The following ANO4 variants were observed in gnomAD, a reference collection of about 807,000 sequenced individuals.
ANO4 encodes anoctamin 4.
A neutral mutation model predicts 141.9 loss-of-function variants in ANO4; 69 were observed. That is an observed-to-expected ratio of 0.49 (90% CI 0.40 to 0.59). The LOEUF (loss-of-function observed/expected upper bound fraction) is 0.59, where lower values mean the gene tolerates loss of function less well. Ranked by LOEUF, ANO4 falls within the 20% of genes least tolerant of loss-of-function variation. The pLI, the probability that ANO4 is intolerant of heterozygous loss-of-function variation, is 0.00. For missense variants in ANO4, 894 were observed against 1,162.2 expected, an observed-to-expected ratio of 0.77 and a Z score of 3.36; for synonymous variants, 350 against 394.3, an observed-to-expected ratio of 0.89 and a Z score of 1.33.
intron 5 of ANO4, among the ~76,000 whole-genome samples, chr12:100,946,209 A>G (rs1281868259): frequency 6.6e-6 from 1 of 152,200 alleles, no homozygotes; most frequent in African/African-American, 2.4e-5. Context: ...CCAACAAGGC[A>G]GTGGAAGCCT....
chr12:100,865,255 A>G (rs757768496), intron 1 of ANO4, among the ~76,000 whole-genome samples: 51 of 152,184 alleles, frequency 3.4e-4, no homozygotes, highest in Non-Finnish European at 6.8e-4. Context: ...CCAACAGTGT[A>G]AAAGTGTCTA....
At chr12:101,025,413 T>C (rs2046693650) in intron 9 of ANO4, among the ~76,000 whole-genome samples, 2 of 151,572 alleles carry the variant, frequency 1.3e-5, no homozygotes, top group East Asian at 1.9e-4. Context: ...GCAGCGAGAG[T>C]TCACAGAAAG....
At chr12:100,810,695 CAAGTGTAGATTAGATAACTGCT>C (rs1047403424) in intron 1 of ANO4, among the ~76,000 whole-genome samples, 9 of 152,096 alleles carry the variant, frequency 5.9e-5, no homozygotes, top group East Asian at 1.9e-4. Flanking sequence ...GTAAAATGGG[CAAGTGTAGATTAGATAACTGCT>C]AAGTGTAGAT....
chr12:100,721,100 T>C (rs2030842764), intron 1 of ANO4, among the ~76,000 whole-genome samples: 2 of 152,248 alleles, frequency 1.3e-5, no homozygotes, highest in South Asian at 4.1e-4. Context: ...TGTGCTATGC[T>C]TGTATAGTTA....
intron 5 of ANO4, among the ~76,000 whole-genome samples, chr12:100,947,636 G>A (rs1333706756): frequency 6.6e-6 from 1 of 152,068 alleles, no homozygotes; most frequent in East Asian, 1.9e-4. Context: ...AGCACATGTG[G>A]GTGCACAGTC....
chr12:100,929,479 G>A (rs1454715718), intron 3 of ANO4, among the ~76,000 whole-genome samples: 1 of 152,096 alleles, frequency 6.6e-6, no homozygotes, highest in African/African-American at 2.4e-5. Context: ...GTACTGCATT[G>A]TGTATATGTA....
chr12:100,722,714 A>G lies in ANO4; in HGVS notation c.22+5167A>G, dbSNP rs76693218. Among the ~76,000 whole-genome samples, 817 of 152,350 alleles carry G rather than the reference A, an allele frequency of 5.4e-3. 5 individuals carry two copies. The highest frequency in any genetic ancestry group is 9.8e-3 in the Non-Finnish European group (666 of 68,040). On this transcript the variant is annotated intron_variant, in intron 1 of 29. Coordinates refer to the ANO4 transcript ENST00000644049. Reference sequence around the variant, plus strand: ...TCTTTGTGTTCCTTGTGCCTCGCACAGTGCCTGGCACATAGTAGGTGACCA... The same window carrying G: ...TCTTTGTGTTCCTTGTGCCTCGCACGGTGCCTGGCACATAGTAGGTGACCA...
intron 3 of ANO4, among the ~76,000 whole-genome samples, chr12:100,938,226 ACT>A (rs1166862130): frequency 6.6e-6 from 1 of 152,128 alleles, no homozygotes; most frequent in Non-Finnish European, 1.5e-5. Flanking sequence ...CTATATCCAA[ACT>A]CTGCTCTTTT....
At chr12:100,864,647 T>C (rs989047341) in intron 1 of ANO4, among the ~76,000 whole-genome samples, 1 of 152,184 alleles carries the variant, frequency 6.6e-6, no homozygotes, top group Non-Finnish European at 1.5e-5. Flanking sequence ...GCTTTCATAT[T>C]GTGTGCGTTC....
intron 8 of ANO4, among the ~76,000 whole-genome samples, chr12:101,011,865 AGTT>A (rs2046108225): frequency 1.3e-5 from 2 of 152,180 alleles, no homozygotes; most frequent in African/African-American, 4.8e-5. Context: ...ATCTGTAGGT[AGTT>A]AAGTGCTTCT....
chr12:100,977,654 T>C (rs1451914878), intron 7 of ANO4, among the ~76,000 whole-genome samples: 2 of 152,208 alleles, frequency 1.3e-5, no homozygotes, highest in African/African-American at 4.8e-5. Flanking sequence ...CCACTGCCAT[T>C]GACTTAGGCT....
chr12:101,082,983 A>G (rs1415476854), intron 15 of ANO4, among the ~76,000 whole-genome samples: 2 of 152,178 alleles, frequency 1.3e-5, no homozygotes, highest in African/African-American at 4.8e-5. Context: ...AGCTTTTCAC[A>G]TTCAGGAGGC....
chr12:100,727,527 A>G (rs1283247581), intron 1 of ANO4, among the ~76,000 whole-genome samples: 1 of 152,072 alleles, frequency 6.6e-6, no homozygotes, highest in Non-Finnish European at 1.5e-5. Context: ...CTGCATCTTT[A>G]TAAATATTTT....
intron 3 of ANO4, among the ~76,000 whole-genome samples, chr12:100,938,282 G>A (rs930132183): frequency 2.0e-5 from 3 of 152,188 alleles, no homozygotes; most frequent in African/African-American, 7.2e-5. Context: ...GTTTTCTTCA[G>A]TTATTGCCAC....
chr12:100,987,695 A>C (rs760392798), intron 8 of ANO4, 25 bp downstream of exon 8: 2 of 1,612,226 alleles, frequency 1.2e-6, no homozygotes, highest in Admixed American at 3.3e-5. Flanking sequence ...TTAAAGCCCC[A>C]TCTCACTAAG....
intron 3 of ANO4, among the ~76,000 whole-genome samples, chr12:100,768,698 A>G (rs2033182206): frequency 6.6e-6 from 1 of 152,226 alleles, no homozygotes; most frequent in Admixed American, 6.5e-5. Context: ...TTTGAGTCGT[A>G]AATGCCATAC....
At chr12:100,935,623 G>A (rs1407982781) in intron 3 of ANO4, among the ~76,000 whole-genome samples, 4 of 152,106 alleles carry the variant, frequency 2.6e-5, no homozygotes, top group Non-Finnish European at 4.4e-5. Context: ...TGTGATGTTC[G>A]TGCCCATGGA....
intron 1 of ANO4, among the ~76,000 whole-genome samples, chr12:100,842,396 A>C (rs893628565): frequency 6.8e-6 from 1 of 146,336 alleles, no homozygotes; most frequent in Non-Finnish European, 1.5e-5. Flanking sequence ...GCTGTTTGCA[A>C]GTGTGTGTAT....
chr12:101,087,362 A>C (rs989172460), intron 17 of ANO4, among the ~76,000 whole-genome samples: 3 of 151,882 alleles, frequency 2.0e-5, no homozygotes, highest in African/African-American at 7.3e-5. Flanking sequence ...TACAAAAAAA[A>C]AAAAAATTAA....
Sources: allele counts gnomAD v4.1 joint callset (sites outside exome capture counted in the v4.1 genomes callset), GRCh38; gene constraint gnomAD v4.1.1; transcripts MANE v1.5; gene names NCBI Gene and HGNC (gene_info 2026-07-23, HGNC 2026-07-21).